The following TENM3 variants were observed in gnomAD, a reference collection of about 807,000 sequenced individuals.
The protein encoded by TENM3 is teneurin-3.
TENM3 carries 63 observed loss-of-function variants against 255.1 expected under a neutral mutation model. The ratio of observed to expected loss-of-function variants is 0.25; its 90% CI spans 0.20 to 0.30. The LOEUF (loss-of-function observed/expected upper bound fraction) is 0.30, where lower values mean the gene tolerates loss of function less well. Among genes scored for constraint, TENM3 ranks in the 10% least tolerant of loss-of-function variants. The probability of loss-of-function intolerance (pLI) is 1.00; values close to 1 mark genes in which losing one functional copy is unlikely to be tolerated. For synonymous variants in TENM3, 1,306 were observed against 1,322.3 expected (o/e 0.99, Z 0.27); for missense variants, 2,929 against 3,461.1 (o/e 0.85, Z 3.86).
chr4:182,100,622 C>CACACATACATAT, the TENM3 span, among the ~76,000 whole-genome samples: 2 of 51,872 alleles, frequency 3.9e-5, no homozygotes, highest in Non-Finnish European at 7.6e-5. Flanking sequence ...CATATATATA[C>CACACATACATAT]ACACACATAT....
rs188811185 is a variant in TENM3, at chr4:182,732,120, T to C, written c.2967+981T>C. Among the ~76,000 whole-genome samples, 7 of 152,284 alleles carry C rather than the reference T, an allele frequency of 4.6e-5. No homozygotes were observed. In the East Asian group the frequency reaches 1.3e-3, roughly 29 times the overall value. Reference sequence around the variant, plus strand: ...TTAAAGATCTACTCAAACAAAATACTTTTTCTTCAGGATATACCTTATATA... The same window carrying C: ...TTAAAGATCTACTCAAACAAAATACCTTTTCTTCAGGATATACCTTATATA... On this transcript the variant is annotated intron_variant, in intron 16 of 27. Transcript: ENST00000511685.
chr4:181,584,644 A>G, the TENM3 span, among the ~76,000 whole-genome samples: 8,255 of 152,266 alleles, frequency 0.054, 316 homozygotes, highest in South Asian at 0.14. Context: ...AGAACTCTCA[A>G]TAGGTGCTAG....
chr4:181,698,252 C>T, the TENM3 span, among the ~76,000 whole-genome samples: 1 of 151,794 alleles, frequency 6.6e-6, no homozygotes, highest in South Asian at 2.1e-4. Flanking sequence ...TTACGTCTTC[C>T]TCTGTGAATA....
the TENM3 span, among the ~76,000 whole-genome samples, chr4:182,043,439 A>G: frequency 4.6e-5 from 7 of 152,298 alleles, no homozygotes; most frequent in African/African-American, 1.7e-4. Flanking sequence ...TGTAGAAACC[A>G]AGACCCTAGA....
intron 1 of TENM3, among the ~76,000 whole-genome samples, chr4:182,304,540 TG>T (rs1580093047): frequency 6.6e-6 from 1 of 152,110 alleles, no homozygotes. Flanking sequence ...TAAAATTGGC[TG>T]TATTGTCTCA....
rs1471895248 is a variant in TENM3, at chr4:182,755,135, G to A, written c.4768G>A (p.Gly1590Arg). Residue 1590 changes from glycine (G) to arginine (R), a missense_variant, in exon 22 of 28, where the codon GGA becomes AGA. This residue lies in a region of TENM3 where 1,608 missense variants were observed against 1,884.4 expected (regional missense o/e 0.85). Transcript: ENST00000511685. ...PDNQVIWLTI[G>R]TNGCLKSMTA... ...TAACCAAGTGATATGGTTGACAATA[G>A]GAACAAATGGATGTTTGAAAAGCAT... is the stretch of plus-strand genomic sequence containing the variant. 6.2e-7 allele frequency: 1 copy of A among 1,613,976 alleles called. No homozygotes were observed. The highest frequency in any genetic ancestry group is 2.2e-5 in the East Asian group (1 of 44,882).
At chr4:182,065,228 T>C in the TENM3 span, among the ~76,000 whole-genome samples, 3 of 152,106 alleles carry the variant, frequency 2.0e-5, no homozygotes, top group Admixed American at 2.0e-4. Context: ...AGAGATGGGC[T>C]TTCACCATGT....
intron 3 of TENM3, among the ~76,000 whole-genome samples, chr4:182,452,328 G>A (rs1435403090): frequency 6.8e-6 from 1 of 147,654 alleles, no homozygotes; most frequent in African/African-American, 2.5e-5. Flanking sequence ...TTTTTTTTTG[G>A]CAGGGGACGG....
chr4:182,324,953 C>G (rs7678533), intron 2 of TENM3, among the ~76,000 whole-genome samples: 1 of 151,912 alleles, frequency 6.6e-6, no homozygotes, highest in African/African-American at 2.4e-5. Context: ...TTACTTCACT[C>G]TCCTAAACCT....
chr4:182,575,720 A>G (rs1744852168), intron 3 of TENM3, among the ~76,000 whole-genome samples: 1 of 152,202 alleles, frequency 6.6e-6, no homozygotes, highest in South Asian at 2.1e-4. Flanking sequence ...CTTTGGTATC[A>G]TGCTTCTCTA....
the TENM3 span, among the ~76,000 whole-genome samples, chr4:182,098,442 A>G: frequency 6.6e-6 from 1 of 152,236 alleles, no homozygotes; most frequent in Non-Finnish European, 1.5e-5. Context: ...CCAAATGTCT[A>G]TCAGAGGATG....
At chr4:181,724,122 G>A in the TENM3 span, among the ~76,000 whole-genome samples, 3,914 of 152,270 alleles carry the variant, frequency 0.026, 116 homozygotes, top group East Asian at 0.14. Context: ...ATCCAGTTCC[G>A]TTCATGTTGC....
intron 1 of TENM3, among the ~76,000 whole-genome samples, chr4:182,158,397 G>A (rs1386026583): frequency 2.0e-5 from 3 of 151,642 alleles, no homozygotes; most frequent in African/African-American, 7.3e-5. Flanking sequence ...AGATCTGCAT[G>A]GATTTGGGAG....
the TENM3 span, among the ~76,000 whole-genome samples, chr4:182,025,195 A>C: frequency 6.6e-6 from 1 of 151,456 alleles, no homozygotes; most frequent in Admixed American, 6.6e-5. Context: ...CGCCCGGCTA[A>C]TTTTTTGTAT....
intron 5 of TENM3, among the ~76,000 whole-genome samples, chr4:182,633,659 CTG>C (rs1319989911): frequency 6.6e-6 from 1 of 152,250 alleles, no homozygotes; most frequent in African/African-American, 2.4e-5. Flanking sequence ...GTTCTAGAAA[CTG>C]TATGAATTAC....
chr4:182,107,147 A>AACAT, the TENM3 span, among the ~76,000 whole-genome samples: 1 of 102,276 alleles, frequency 9.8e-6, no homozygotes, highest in Admixed American at 9.4e-5. Context: ...GGTGAAACAG[A>AACAT]ACATACACAC....
chr4:182,116,236 T>C, the TENM3 span, among the ~76,000 whole-genome samples: 1 of 149,696 alleles, frequency 6.7e-6, no homozygotes, highest in Non-Finnish European at 1.5e-5. Context: ...AATCTTTTGA[T>C]TGTCTCCATA....
chr4:182,652,407 A>G (rs1753391950), intron 5 of TENM3, among the ~76,000 whole-genome samples: 1 of 152,144 alleles, frequency 6.6e-6, no homozygotes, highest in Admixed American at 6.5e-5. Context: ...GACTAAATAA[A>G]ATACCTCAGC....
At chr4:182,758,499 T>C (rs779752805) in intron 22 of TENM3, among the ~76,000 whole-genome samples, 5 of 152,174 alleles carry the variant, frequency 3.3e-5, no homozygotes, top group Non-Finnish European at 5.9e-5. Flanking sequence ...TTCTGCTGCT[T>C]GTCTCCCGAC....
Sources: gnomAD v4.1 joint callset for allele counts (sites outside exome capture counted in the v4.1 genomes callset) on GRCh38, gnomAD v4.1.1 for gene constraint, gnomAD v4.1.1 regional missense constraint, MANE v1.5 for transcripts, NCBI Gene and HGNC (gene_info 2026-07-23, HGNC 2026-07-21) for gene names.